Variants in GRID2 observed in about 807,000 individuals in gnomAD.
GRID2 encodes the protein glutamate ionotropic receptor delta type subunit 2, also known as glutamate receptor ionotropic, delta-2.
In GRID2, 33 loss-of-function variants were observed where a neutral mutation model predicts 114.8. The ratio of observed to expected loss-of-function variants is 0.29; its 90% CI spans 0.22 to 0.38. GRID2 has a LOEUF of 0.38. Among genes scored for constraint, GRID2 ranks in the 10% least tolerant of loss-of-function variants. The probability of loss-of-function intolerance (pLI) is 1.00; values close to 1 mark genes in which losing one functional copy is unlikely to be tolerated. For missense variants in GRID2, 1,184 were observed against 1,257.7 expected (o/e 0.94, Z 0.89); for synonymous variants, 505 against 449.9 (o/e 1.12, Z -1.55).
At chr4:92,824,072 T>C (rs1741489360) in intron 2 of GRID2, among the ~76,000 whole-genome samples, 1 of 152,058 alleles carries the variant, frequency 6.6e-6, no homozygotes, top group Non-Finnish European at 1.5e-5. Context: ...TAGGATGAAG[T>C]GAAACATCTC....
intron 12 of GRID2, among the ~76,000 whole-genome samples, chr4:93,513,981 A>G (rs915269504): frequency 6.6e-6 from 1 of 152,152 alleles, no homozygotes; most frequent in African/African-American, 2.4e-5. Flanking sequence ...ATTACATGAG[A>G]TTCATGGCTT....
At chr4:92,500,104 G>T (rs1423230507) in intron 1 of GRID2, among the ~76,000 whole-genome samples, 2 of 152,086 alleles carry the variant, frequency 1.3e-5, no homozygotes, top group Admixed American at 6.6e-5. Flanking sequence ...CGGTCTTGAA[G>T]TGTGCAAGGT....
At chr4:93,115,399 A>G (rs894444904) in intron 4 of GRID2, among the ~76,000 whole-genome samples, 30 of 146,784 alleles carry the variant, frequency 2.0e-4, no homozygotes, top group African/African-American at 7.2e-4. Flanking sequence ...CCAAGTATAT[A>G]CAGACACACA....
At chr4:93,613,743 C>A (rs1741242172) in intron 13 of GRID2, among the ~76,000 whole-genome samples, 1 of 149,982 alleles carries the variant, frequency 6.7e-6, no homozygotes, top group Non-Finnish European at 1.5e-5. Context: ...CTTAAGTCTG[C>A]AGAGGTTACT....
At chr4:92,484,841 T>C (rs1722788024) in intron 1 of GRID2, among the ~76,000 whole-genome samples, 3 of 152,022 alleles carry the variant, frequency 2.0e-5, no homozygotes, top group Admixed American at 2.0e-4. Context: ...TTAGCTTTGA[T>C]CTTAAGCTAT....
intron 2 of GRID2, among the ~76,000 whole-genome samples, chr4:92,831,418 G>A (rs1340354277): frequency 6.6e-6 from 1 of 151,242 alleles, no homozygotes; most frequent in South Asian, 2.1e-4. Flanking sequence ...CTAAATGATT[G>A]GAGATCCAGC....
chr4:92,486,421 C>G (rs372255346), intron 1 of GRID2, among the ~76,000 whole-genome samples: 1 of 151,652 alleles, frequency 6.6e-6, no homozygotes, highest in South Asian at 2.1e-4. Flanking sequence ...TATAATAAAA[C>G]TTGAAAGTTT....
chr4:92,859,541 A>G (rs1481169914), intron 2 of GRID2, among the ~76,000 whole-genome samples: 1 of 152,166 alleles, frequency 6.6e-6, no homozygotes, highest in African/African-American at 2.4e-5. Context: ...TTGTTATCTT[A>G]TAGAAAGTTG....
In GRID2 at chr4:92,901,866, G is replaced by A. The variant is rs546624546; in HGVS notation, c.245-183129G>A. Among the ~76,000 whole-genome samples, 6 of 151,612 alleles carry A rather than the reference G, an allele frequency of 4.0e-5. No individual in the cohort carries two copies. The South Asian group carries it at 1.2e-3, about 31-fold the overall frequency. On this transcript the variant is annotated intron_variant, in intron 2 of 15. Transcript: ENST00000282020. ...GTGTCCTTGTCTTGCTTTGTATCAGGGTGATATTGGCTTGGTATAATGTGC... is the reference window on the plus strand; with the variant it reads ...GTGTCCTTGTCTTGCTTTGTATCAGAGTGATATTGGCTTGGTATAATGTGC...
intron 14 of GRID2, among the ~76,000 whole-genome samples, chr4:93,763,434 A>G (rs1338507399): frequency 6.6e-6 from 1 of 152,140 alleles, no homozygotes; most frequent in Non-Finnish European, 1.5e-5. Context: ...TGCATACCCA[A>G]ATTGTAGCAT....
At chr4:92,940,751 T>G (rs1029777849) in intron 2 of GRID2, among the ~76,000 whole-genome samples, 4 of 152,120 alleles carry the variant, frequency 2.6e-5, no homozygotes, top group Non-Finnish European at 5.9e-5. Context: ...CATCAATACC[T>G]AATTTATTGA....
intron 1 of GRID2, among the ~76,000 whole-genome samples, chr4:92,390,313 C>T (rs1560602352): frequency 3.3e-5 from 5 of 151,928 alleles, no homozygotes; most frequent in Admixed American, 1.3e-4. Context: ...AAAGAATAAC[C>T]GCCCCAAGAT....
chr4:92,940,112 G>T (rs1481055664), intron 2 of GRID2, among the ~76,000 whole-genome samples: 1 of 146,992 alleles, frequency 6.8e-6, no homozygotes, highest in Non-Finnish European at 1.5e-5. Flanking sequence ...GAAAGTCATT[G>T]GTAGCTTAAT....
chr4:92,504,787 T>C (rs1230856923), intron 1 of GRID2, among the ~76,000 whole-genome samples: 1 of 152,020 alleles, frequency 6.6e-6, no homozygotes, highest in Non-Finnish European at 1.5e-5. Flanking sequence ...ACCTTTTCTA[T>C]CTTGCTTTTA....
At chr4:92,327,094 A>G (rs547904730) in intron 1 of GRID2, among the ~76,000 whole-genome samples, 2 of 152,062 alleles carry the variant, frequency 1.3e-5, no homozygotes, top group South Asian at 2.1e-4. Context: ...TATTTCTTCT[A>G]CTGAGTGGTC....
intron 12 of GRID2, among the ~76,000 whole-genome samples, chr4:93,501,849 T>A (rs1728144383): frequency 6.6e-6 from 1 of 152,062 alleles, no homozygotes; most frequent in Non-Finnish European, 1.5e-5. Context: ...AATCAAATCC[T>A]TCTCTTTTTC....
chr4:93,422,827 G>C lies in GRID2; in HGVS notation c.1404G>C (p.Gln468His). ...TCTTGGGTAAGCCGAAGAAATACCA[G>C]GGCTTCTCCATTGATGTTTTGGATG... ...ENVLGKPKKY[Q>H]GFSIDVLDAL... Residue 468 changes from glutamine (Q) to histidine (H), a missense_variant, in exon 10 of 16, where the codon CAG (glutamine) becomes CAC (histidine). Coordinates refer to ENST00000282020, the MANE Select transcript of GRID2 (RefSeq NM_001510.4). 1 of 1,613,574 alleles carries C rather than the reference G, an allele frequency of 6.2e-7. No homozygotes were observed. Among genetic ancestry groups the C allele is most frequent in the South Asian group, 1.1e-5 (1 of 91,078 alleles).
intron 1 of GRID2, among the ~76,000 whole-genome samples, chr4:92,526,901 T>G (rs1163995268): frequency 1.3e-5 from 2 of 152,110 alleles, no homozygotes; most frequent in African/African-American, 4.8e-5. Flanking sequence ...TTGAAAATAT[T>G]GTGTTTGATG....
chr4:92,774,861 A>G (rs529174589), intron 2 of GRID2, among the ~76,000 whole-genome samples: 32 of 152,030 alleles, frequency 2.1e-4, no homozygotes, highest in African/African-American at 7.2e-4. Flanking sequence ...CTCCCACCAC[A>G]TGTGATCTCT....
Sources: allele counts gnomAD v4.1 joint callset (sites outside exome capture counted in the v4.1 genomes callset), GRCh38; gene constraint gnomAD v4.1.1; transcripts MANE v1.5; gene names NCBI Gene and HGNC (gene_info 2026-07-23, HGNC 2026-07-21).